SYN3: variants seen among roughly 807,000 people sequenced by gnomAD.
SYN3 encodes synapsin III.
A neutral mutation model predicts 65.8 loss-of-function variants in SYN3; 35 were observed. The observed-to-expected ratio is 0.53, with a 90% CI of 0.41 to 0.70. SYN3 has a LOEUF of 0.70. SYN3 is among the 30% of genes least tolerant of loss of function. The pLI is 0.00. For missense variants in SYN3, 680 were observed against 749.0 expected, an observed-to-expected ratio of 0.91 and a Z score of 1.08; for synonymous variants, 270 against 292.9, an observed-to-expected ratio of 0.92 and a Z score of 0.80.
chr22:32,529,182 TC>T, intron 10 of SYN3, 174 bp from the exon 11 acceptor site: 1 of 735,412 alleles, frequency 1.4e-6, no homozygotes, highest in Non-Finnish European at 2.2e-6. Context: ...TCAGTTCCCT[TC>T]GGTTCAGTCT....
intron 7 of SYN3, among the ~76,000 whole-genome samples, chr22:32,585,906 GTATGTA>G (rs2059017636): frequency 1.6e-5 from 1 of 61,084 alleles, no homozygotes; most frequent in African/African-American, 5.5e-5. Flanking sequence ...GTATATATGT[GTATGTA>G]TACATATATG....
rs1035476557 is a variant in SYN3 at position 33,057,603 on chromosome 22, G to C, written c.-163+689C>G. The C allele has an allele frequency of 9.8e-5, 15 of 152,572 alleles. 1 individual carries two copies. The highest frequency in any genetic ancestry group is 2.4e-4 in the African/African-American group (10 of 41,420). 9.5% of individuals were successfully genotyped at this position (152,572 alleles called of 1,614,324 possible). On this transcript the variant is annotated intron_variant, in intron 1 of 13. Coordinates refer to ENST00000358763, the MANE Select transcript of SYN3 (RefSeq NM_003490.4). ...CATCTCGAGTCTTCCGCACTACCCT[G>C]CACTGCAATTGCTCCTCCTACTGTC...
rs2057690052 is a variant in SYN3, at chr22:32,511,395, G to A, written c.*2297C>T. 6.6e-6 allele frequency among the ~76,000 whole-genome samples: 1 copy of A among 152,264 alleles called. No homozygotes were observed. The highest frequency in any genetic ancestry group is 1.5e-5 in the Non-Finnish European group (1 of 68,044). On this transcript the variant is annotated 3_prime_UTR_variant, in exon 14 of 14. Coordinates refer to ENST00000358763, the MANE Select transcript of SYN3 (RefSeq NM_003490.4). ...CGACAATGATGCCTGCAAAGCAGCA[G>A]CTTCATGTGTCTGACTGCCCACTGC...
intron 6 of SYN3, among the ~76,000 whole-genome samples, chr22:32,740,644 C>T (rs1290534785): frequency 6.6e-6 from 1 of 152,128 alleles, no homozygotes; most frequent in African/African-American, 2.4e-5. Context: ...GGACATAACC[C>T]TGGGGTCAAT....
intron 3 of SYN3, among the ~76,000 whole-genome samples, chr22:32,965,690 C>G (rs7284959): frequency 0.21 from 31,522 of 151,658 alleles, 3,730 homozygotes; most frequent in Middle Eastern, 0.27. Context: ...CTGGCTTTTT[C>G]GTTGTTGTTG....
intron 6 of SYN3, among the ~76,000 whole-genome samples, chr22:32,671,469 C>T (rs1023721997): frequency 2.6e-5 from 4 of 151,820 alleles, no homozygotes; most frequent in African/African-American, 9.7e-5. Flanking sequence ...ACAGACACAC[C>T]CACACTTACA....
Position 32,518,125 on chromosome 22 carries a change from G to A in SYN3, c.1528C>T (p.Pro510Ser). 1 of 1,603,552 alleles carries A rather than the reference G, an allele frequency of 6.2e-7. No individual in the cohort carries two copies. Among genetic ancestry groups the A allele is most frequent in the Non-Finnish European group, 8.5e-7 (1 of 1,174,726 alleles). ...CTACGGCCCTGCACAGGGGGCCGGG[G>A]CTGTGAGGCGAGGGTGGCACCTGGC... ...SKPGATLASQ[P>S]RPPVQGRSTS... The change falls in exon 13 of 14, where the codon CCC becomes TCC. Residue 510 changes from proline (P) to serine (S), a missense_variant. Pro to Ser is a moderately conservative substitution (Grantham distance 74, BLOSUM62 -1). Transcript: ENST00000358763.
At chr22:32,724,391 T>TA (rs2061161296) in intron 6 of SYN3, among the ~76,000 whole-genome samples, 1 of 152,114 alleles carries the variant, frequency 6.6e-6, no homozygotes, top group Non-Finnish European at 1.5e-5. Flanking sequence ...TGTAAGAGCA[T>TA]AAATTCCAGG....
At chr22:32,535,372 C>T (rs1218757109) in intron 9 of SYN3, among the ~76,000 whole-genome samples, 1 of 152,202 alleles carries the variant, frequency 6.6e-6, no homozygotes, top group Non-Finnish European at 1.5e-5. Context: ...GAGTTAAACG[C>T]ACAAACAGCC....
chr22:32,707,541 C>T (rs957775935), intron 6 of SYN3, among the ~76,000 whole-genome samples: 6 of 152,202 alleles, frequency 3.9e-5, no homozygotes, highest in African/African-American at 1.4e-4. Context: ...CTCTTATTTG[C>T]CTGTGTACCT....
At chr22:32,562,905 A>G (rs2413128) in intron 7 of SYN3, among the ~76,000 whole-genome samples, 39,142 of 152,260 alleles carry the variant, frequency 0.26, 5,328 homozygotes, top group Admixed American at 0.34. Context: ...GACAAGGGAA[A>G]GAAGAGCCAG....
At chr22:32,663,129 A>C (rs2060238446) in intron 6 of SYN3, among the ~76,000 whole-genome samples, 1 of 152,160 alleles carries the variant, frequency 6.6e-6, no homozygotes, top group African/African-American at 2.4e-5. Context: ...AAATAAAAAC[A>C]GTTGAGTTAG....
At chr22:32,816,217 AG>A (rs2047085411) in intron 6 of SYN3, among the ~76,000 whole-genome samples, 1 of 151,912 alleles carries the variant, frequency 6.6e-6, no homozygotes, top group South Asian at 2.1e-4. Flanking sequence ...GGGCGGGGGT[AG>A]GGGGGAGGCC....
intron 1 of SYN3, among the ~76,000 whole-genome samples, chr22:33,012,158 T>C (rs1435267571): frequency 3.9e-5 from 6 of 152,198 alleles, no homozygotes; most frequent in Admixed American, 6.5e-5. Context: ...ACTCTTTTTT[T>C]CCCCAATATA....
intron 7 of SYN3, among the ~76,000 whole-genome samples, chr22:32,547,562 T>C (rs1275984530): frequency 6.6e-6 from 1 of 152,212 alleles, no homozygotes; most frequent in Non-Finnish European, 1.5e-5. Context: ...GCTTTCTGAA[T>C]TGCTTTACCC....
chr22:32,820,261 T>C (rs559717327), intron 6 of SYN3, among the ~76,000 whole-genome samples: 307 of 147,784 alleles, frequency 2.1e-3, no homozygotes, highest in African/African-American at 7.1e-3. Context: ...TGTGTGTGTG[T>C]GCGTGCGCGT....
chr22:33,026,024 G>T (rs991670282), intron 1 of SYN3, among the ~76,000 whole-genome samples: 3 of 152,150 alleles, frequency 2.0e-5, no homozygotes, highest in Admixed American at 2.0e-4. Context: ...AATCCAAGGA[G>T]CAAGTGAGAG....
intron 4 of SYN3, among the ~76,000 whole-genome samples, chr22:32,904,582 T>C (rs554064215): frequency 6.6e-6 from 1 of 152,204 alleles, no homozygotes; most frequent in South Asian, 2.1e-4. Flanking sequence ...AAAAGCAGAA[T>C]TGGGGTTTTA....
rs1285541969 is a variant in SYN3, at chr22:32,667,978, T to C, written c.712-71242A>G. Reference sequence around the variant, plus strand: ...CCAGCTAATTTTTTTGTATTTTTAGTAGAGACGGGGTTTCACCCTGTTAGC... The same window carrying C: ...CCAGCTAATTTTTTTGTATTTTTAGCAGAGACGGGGTTTCACCCTGTTAGC... On this transcript the variant is annotated intron_variant, in intron 6 of 13. Transcript: ENST00000358763. Among the ~76,000 whole-genome samples the C allele has an allele frequency of 2.0e-5, 3 of 151,426 alleles. No individual in the cohort carries two copies. The East Asian group carries it at 5.8e-4, about 29-fold the overall frequency.
Sources: allele counts gnomAD v4.1 joint callset (sites outside exome capture counted in the v4.1 genomes callset), GRCh38; gene constraint gnomAD v4.1.1; transcripts MANE v1.5; gene names NCBI Gene and HGNC (gene_info 2026-07-23, HGNC 2026-07-21).